EXOC6: variants seen among roughly 807,000 people sequenced by gnomAD.
EXOC6 encodes the protein SEC15-like 1.
Under a neutral mutation model 112.5 loss-of-function variants are expected in EXOC6, and 60 were observed. The ratio of observed to expected loss-of-function variants is 0.53; its 90% confidence interval spans 0.43 to 0.66. EXOC6 has a LOEUF of 0.66. Among genes scored for constraint, EXOC6 ranks in the 30% least tolerant of loss-of-function variants. The pLI is 0.00. For missense variants in EXOC6, 855 were observed against 957.1 expected, an observed-to-expected ratio of 0.89 and a Z score of 1.41; for synonymous variants, 295 against 308.0, an observed-to-expected ratio of 0.96 and a Z score of 0.44.
intron 18 of EXOC6, among the ~76,000 whole-genome samples, chr10:92,975,836 T>G (rs1589955855): frequency 8.0e-6 from 1 of 125,034 alleles, no homozygotes; most frequent in Non-Finnish European, 1.7e-5. Context: ...GTCCGGGAGG[T>G]GAGGGGCGCC....
At chr10:92,893,304 A>G (rs1211692877) in intron 1 of EXOC6, 45 bp from the exon 2 acceptor site, 2 of 1,432,362 alleles carry the variant, frequency 1.4e-6, no homozygotes, top group Admixed American at 2.2e-5. Context: ...CAGGCTTACT[A>G]AATAATACAT....
chr10:92,948,586 A>ACTG (rs767887676), intron 14 of EXOC6, among the ~76,000 whole-genome samples: 1 of 149,302 alleles, frequency 6.7e-6, no homozygotes, highest in African/African-American at 2.5e-5. Context: ...TACTACTACT[A>ACTG]CTACTACTAC....
intron 16 of EXOC6, among the ~76,000 whole-genome samples, chr10:92,955,369 G>GGTGTGT (rs746305692): frequency 2.0e-5 from 3 of 147,354 alleles, no homozygotes; most frequent in African/African-American, 7.6e-5. Flanking sequence ...TTAGACTCTT[G>GGTGTGT]GTGTGTGTGT....
intron 5 of EXOC6, among the ~76,000 whole-genome samples, chr10:92,908,661 A>G (rs891891061): frequency 1.3e-5 from 2 of 152,194 alleles, no homozygotes; most frequent in Non-Finnish European, 2.9e-5. Context: ...GTTCTCATCT[A>G]TAGAATGCTA....
chr10:93,007,016 TC>T (rs1017126828), intron 19 of EXOC6, among the ~76,000 whole-genome samples: 49 of 151,570 alleles, frequency 3.2e-4, no homozygotes, highest in African/African-American at 1.2e-3. Context: ...TGACAATTCT[TC>T]CTACCCTGTA....
chr10:92,928,118 G>C (rs1851824392), intron 8 of EXOC6, among the ~76,000 whole-genome samples: 1 of 152,140 alleles, frequency 6.6e-6, no homozygotes, highest in African/African-American at 2.4e-5. Context: ...GTGTCAAATT[G>C]TTTAAACATA....
At chr10:92,936,103 A>G (rs1422559147) in intron 12 of EXOC6, among the ~76,000 whole-genome samples, 5 of 152,214 alleles carry the variant, frequency 3.3e-5, no homozygotes, top group African/African-American at 1.2e-4. Context: ...ACCATCTTTT[A>G]AAATATTGAT....
chr10:93,035,147 A>G (rs1458384723), intron 20 of EXOC6, among the ~76,000 whole-genome samples: 1 of 152,238 alleles, frequency 6.6e-6, no homozygotes. Flanking sequence ...CCTTTTGGGA[A>G]AGCTTAGATT....
chr10:92,892,366 T>A (rs1849549751), intron 1 of EXOC6, among the ~76,000 whole-genome samples: 1 of 152,248 alleles, frequency 6.6e-6, no homozygotes, highest in Non-Finnish European at 1.5e-5. Flanking sequence ...CCAGCAGTGA[T>A]GTGTGGTAAC....
At chr10:93,013,612 A>G (rs1368129932) in intron 19 of EXOC6, among the ~76,000 whole-genome samples, 1 of 151,874 alleles carries the variant, frequency 6.6e-6, no homozygotes, top group Non-Finnish European at 1.5e-5. Context: ...CGTCTCAAAA[A>G]AAATAAAAAT....
intron 1 of EXOC6, among the ~76,000 whole-genome samples, chr10:92,888,736 C>G (rs1849353222): frequency 6.6e-6 from 1 of 152,154 alleles, no homozygotes; most frequent in Non-Finnish European, 1.5e-5. Flanking sequence ...AAATACAATA[C>G]TTTCTCATAA....
chr10:92,920,078 A>G (rs752519779), intron 8 of EXOC6, 28 bp downstream of exon 8: 1 of 1,361,568 alleles, frequency 7.3e-7, no homozygotes, highest in Non-Finnish European at 1.0e-6. Flanking sequence ...TTATGTATAT[A>G]TAGCTTTATA....
chr10:92,888,558 C>T (rs955704369), intron 1 of EXOC6, among the ~76,000 whole-genome samples: 7 of 152,284 alleles, frequency 4.6e-5, no homozygotes, highest in East Asian at 1.9e-4. Context: ...ACTCTGTATT[C>T]GGGTAGTCCT....
rs1487045002 is a variant in EXOC6 at position 92,828,001 on chromosome 10, ATT to A, written c.-27+1060_-27+1061del. On this transcript the variant is annotated intron_variant, in intron 1 of 22. Transcript: ENST00000671701. The stretch of plus-strand genomic sequence containing the variant: ...TATAACATTCCTAGATATTTGACGT[ATT>A]TTGCTGCTTTTGTATATGGTATCGA... 3.3e-5 allele frequency among the ~76,000 whole-genome samples: 5 copies of A among 152,104 alleles called. No homozygotes were observed. In the East Asian group the frequency reaches 9.6e-4, roughly 29 times the overall value.
At chr10:92,998,654 AC>A in intron 19 of EXOC6, among the ~76,000 whole-genome samples, 3 of 151,168 alleles carry the variant, frequency 2.0e-5, no homozygotes, top group African/African-American at 7.3e-5. Context: ...ACACACACAC[AC>A]ACACACACAC....
At chr10:92,930,613 C>T (rs1851975224) in intron 9 of EXOC6, among the ~76,000 whole-genome samples, 1 of 152,000 alleles carries the variant, frequency 6.6e-6, no homozygotes, top group African/African-American at 2.4e-5. Flanking sequence ...AATATTGACT[C>T]ACTTCTTTCA....
At chr10:93,012,897 C>G (rs1267266510) in intron 19 of EXOC6, among the ~76,000 whole-genome samples, 2 of 151,894 alleles carry the variant, frequency 1.3e-5, no homozygotes, top group African/African-American at 2.4e-5. Flanking sequence ...ACAAAAAAAT[C>G]ATTAGCCAAG....
chr10:92,950,625 A>T (rs964287266), intron 14 of EXOC6, among the ~76,000 whole-genome samples: 1 of 152,192 alleles, frequency 6.6e-6, no homozygotes, highest in South Asian at 2.1e-4. Flanking sequence ...GGCTGCATAA[A>T]GGTCAAAGTA....
intron 8 of EXOC6, among the ~76,000 whole-genome samples, chr10:92,927,190 A>G (rs1564836965): frequency 6.6e-6 from 1 of 152,042 alleles, no homozygotes; most frequent in African/African-American, 2.4e-5. Context: ...GGCTTTTGAC[A>G]TTTTTTTCCT....
Sources: gnomAD v4.1 joint callset for allele counts (sites outside exome capture counted in the v4.1 genomes callset) on GRCh38, gnomAD v4.1.1 for gene constraint, MANE v1.5 for transcripts, NCBI Gene and HGNC (gene_info 2026-07-23, HGNC 2026-07-21) for gene names.